The following FAF1 variants were observed in gnomAD, a reference collection of about 807,000 sequenced individuals.
FAF1 encodes FAS-associated factor 1.
Under a neutral mutation model 92.5 loss-of-function variants are expected in FAF1, and 25 were observed. The ratio of observed to expected loss-of-function variants is 0.27; its 90% CI spans 0.20 to 0.38. The LOEUF is 0.38. Ranked by LOEUF, FAF1 falls within the 10% of genes least tolerant of loss-of-function variation. The pLI is 1.00. For missense variants in FAF1, 636 were observed against 793.3 expected, an observed-to-expected ratio of 0.80 and a Z score of 2.38; for synonymous variants, 234 against 273.2, an observed-to-expected ratio of 0.86 and a Z score of 1.42.
chr1:50,700,859 G>A lies in FAF1; in HGVS notation c.657+4927C>T, dbSNP rs1004235875. Reference sequence around the variant, plus strand: ...GATTATTCTAAAATAGTTCCAGAGAGGGGAAAAGACTTGTCAGTTCCAAAG... The same window carrying A: ...GATTATTCTAAAATAGTTCCAGAGAAGGGAAAAGACTTGTCAGTTCCAAAG... On this transcript the variant is annotated intron_variant, in intron 7 of 18. Transcript: ENST00000396153. Among the ~76,000 whole-genome samples, 62 of 152,042 alleles carry A rather than the reference G, an allele frequency of 4.1e-4. 3 individuals carry two copies. The highest frequency in any genetic ancestry group is 5.9e-5 in the Non-Finnish European group (4 of 67,958).
rs187729639 is a variant in FAF1 at position 50,858,603 on chromosome 1, C to A, written c.46-606G>T. On this transcript the variant is annotated intron_variant, in intron 1 of 18. Coordinates refer to ENST00000396153, the MANE Select transcript of FAF1 (RefSeq NM_007051.3). ...GTAAGCTATCTCATTAATAATTTTT[C>A]CTCTGAATACATGTTGAAATGGAAA... is the stretch of plus-strand genomic sequence containing the variant. 4.3e-3 allele frequency among the ~76,000 whole-genome samples: 654 copies of A among 151,688 alleles called. 10 individuals are homozygous for A. Among genetic ancestry groups the A allele is most frequent in the Non-Finnish European group, 4.6e-3 (314 of 67,772 alleles).
At chr1:50,483,413 C>T (rs998528839) in intron 17 of FAF1, among the ~76,000 whole-genome samples, 4 of 152,020 alleles carry the variant, frequency 2.6e-5, no homozygotes, top group South Asian at 2.1e-4. Context: ...ACTCTAGTAA[C>T]GTCCAACTTT....
At chr1:50,782,917 G>T (rs1661230720) in intron 4 of FAF1, among the ~76,000 whole-genome samples, 1 of 151,682 alleles carries the variant, frequency 6.6e-6, no homozygotes, top group Non-Finnish European at 1.5e-5. Flanking sequence ...ATCCCATTAA[G>T]GTGTTACTTT....
At chr1:50,824,693 C>T (rs1231058527) in intron 2 of FAF1, among the ~76,000 whole-genome samples, 1 of 152,098 alleles carries the variant, frequency 6.6e-6, no homozygotes, top group African/African-American at 2.4e-5. Flanking sequence ...ATGAAATCAA[C>T]CTAAATGCCT....
intron 2 of FAF1, among the ~76,000 whole-genome samples, chr1:50,821,828 A>G (rs1285518617): frequency 6.6e-6 from 1 of 152,146 alleles, no homozygotes; most frequent in African/African-American, 2.4e-5. Context: ...AATGGTTTTC[A>G]ATCAAAATTT....
At chr1:50,603,468 T>C (rs572275119) in intron 8 of FAF1, among the ~76,000 whole-genome samples, 5 of 152,222 alleles carry the variant, frequency 3.3e-5, no homozygotes, top group Non-Finnish European at 5.9e-5. Flanking sequence ...ACTTCTAGAA[T>C]ACCCCTTTTA....
chr1:50,749,908 A>G (rs1009759217), intron 4 of FAF1, among the ~76,000 whole-genome samples: 1 of 152,190 alleles, frequency 6.6e-6, no homozygotes, highest in Non-Finnish European at 1.5e-5. Context: ...TTCACGAAAA[A>G]TGTTTTGCAG....
chr1:50,531,757 A>C (rs1226241443), intron 15 of FAF1, among the ~76,000 whole-genome samples: 1 of 152,188 alleles, frequency 6.6e-6, no homozygotes, highest in Non-Finnish European at 1.5e-5. Context: ...TAGAGCAATC[A>C]GTGATATAAA....
At chr1:50,630,565 G>C (rs368463765) in intron 8 of FAF1, among the ~76,000 whole-genome samples, 1 of 151,840 alleles carries the variant, frequency 6.6e-6, no homozygotes, top group Non-Finnish European at 1.5e-5. Flanking sequence ...AATTTTGTTT[G>C]CTTTCTTATT....
chr1:50,827,051 T>G (rs1644106410), intron 2 of FAF1, among the ~76,000 whole-genome samples: 3 of 151,052 alleles, frequency 2.0e-5, no homozygotes. Flanking sequence ...GGAGCGCCTC[T>G]GCCCAGCCAC....
At chr1:50,739,418 G>C (rs945737375) in intron 5 of FAF1, among the ~76,000 whole-genome samples, 1 of 151,592 alleles carries the variant, frequency 6.6e-6, no homozygotes, top group Non-Finnish European at 1.5e-5. Flanking sequence ...ATACATGTGA[G>C]TGTATGTGTA....
At chr1:50,735,506 A>G (rs1557500662) in intron 6 of FAF1, among the ~76,000 whole-genome samples, 1 of 152,184 alleles carries the variant, frequency 6.6e-6, no homozygotes, top group Non-Finnish European at 1.5e-5. Flanking sequence ...CTTAGTTTAT[A>G]CCATTTCTTC....
At chr1:50,921,371 CACT>C (rs1432021620) in intron 1 of FAF1, among the ~76,000 whole-genome samples, 1 of 152,220 alleles carries the variant, frequency 6.6e-6, no homozygotes, top group Non-Finnish European at 1.5e-5. Flanking sequence ...TGCCTGTCAC[CACT>C]GAGGGAATTC....
intron 1 of FAF1, among the ~76,000 whole-genome samples, chr1:50,937,350 C>T (rs12064351): frequency 1.3e-5 from 2 of 151,898 alleles, no homozygotes; most frequent in Non-Finnish European, 2.9e-5. Context: ...GTGGAAAGAA[C>T]TGAAAAATTA....
intron 1 of FAF1, among the ~76,000 whole-genome samples, chr1:50,892,580 T>C (rs1396366677): frequency 6.6e-6 from 1 of 152,226 alleles, no homozygotes; most frequent in Non-Finnish European, 1.5e-5. Flanking sequence ...TGGAGCTCCA[T>C]TGTATGTTGT....
chr1:50,714,656 G>A (rs916761238), intron 6 of FAF1, among the ~76,000 whole-genome samples: 1 of 152,134 alleles, frequency 6.6e-6, no homozygotes, highest in African/African-American at 2.4e-5. Context: ...AAGGAAAGGG[G>A]GTATGGAGTC....
intron 7 of FAF1, 135 bp from the exon 8 acceptor site, chr1:50,655,663 C>A: frequency 1.8e-6 from 1 of 565,104 alleles, no homozygotes; most frequent in South Asian, 3.1e-5. Flanking sequence ...CTATAAAAAC[C>A]CAAGTCAAAA....
intron 15 of FAF1, among the ~76,000 whole-genome samples, chr1:50,528,416 T>C (rs1034781549): frequency 6.6e-6 from 1 of 152,192 alleles, no homozygotes; most frequent in African/African-American, 2.4e-5. Flanking sequence ...TACTTAATAA[T>C]GAAGCAAAAA....
chr1:50,787,206 A>AT (rs774078695), intron 4 of FAF1, among the ~76,000 whole-genome samples: 30 of 152,134 alleles, frequency 2.0e-4, no homozygotes, highest in Non-Finnish European at 4.1e-4. Context: ...GAAAAACAGC[A>AT]TTTTTTCAAC....
Sources: allele counts gnomAD v4.1 joint callset (sites outside exome capture counted in the v4.1 genomes callset), GRCh38; gene constraint gnomAD v4.1.1; transcripts MANE v1.5; gene names NCBI Gene and HGNC (gene_info 2026-07-23, HGNC 2026-07-21).